Variants in GALNTL6 observed in about 807,000 individuals in gnomAD.
GALNTL6 encodes polypeptide N-acetylgalactosaminyltransferase like 6.
GALNTL6 carries 46 observed loss-of-function variants against 73.7 expected under a neutral mutation model. The ratio of observed to expected loss-of-function variants is 0.62; its 90% CI spans 0.49 to 0.80. GALNTL6 has a LOEUF of 0.80. GALNTL6 is among the 30% of genes least tolerant of loss of function. GALNTL6 has a pLI of 0.00. For synonymous variants in GALNTL6, 259 were observed against 263.7 expected, an observed-to-expected ratio of 0.98 and a Z score of 0.17; for missense variants, 604 against 755.0, an observed-to-expected ratio of 0.80 and a Z score of 2.34.
intron 2 of GALNTL6, among the ~76,000 whole-genome samples, chr4:171,831,521 C>G: frequency 6.6e-6 from 1 of 151,930 alleles, no homozygotes; most frequent in East Asian, 1.9e-4. Context: ...ACTTTTCATT[C>G]TGACATTTCT....
At chr4:172,132,367 T>C (rs1035212437) in intron 2 of GALNTL6, among the ~76,000 whole-genome samples, 1 of 152,164 alleles carries the variant, frequency 6.6e-6, no homozygotes, top group African/African-American at 2.4e-5. Context: ...TCCAATGTGA[T>C]TTAGATGACA....
intron 2 of GALNTL6, among the ~76,000 whole-genome samples, chr4:171,953,285 G>A (rs1738946096): frequency 6.6e-6 from 1 of 151,324 alleles, no homozygotes; most frequent in African/African-American, 2.4e-5. Context: ...GAGTCAGGAA[G>A]AGCCAAGATA....
At chr4:171,999,373 G>C (rs1473495242) in intron 2 of GALNTL6, among the ~76,000 whole-genome samples, 1 of 152,114 alleles carries the variant, frequency 6.6e-6, no homozygotes, top group African/African-American at 2.4e-5. Context: ...AATGGCAAAT[G>C]GTTTTCTGTA....
intron 3 of GALNTL6, among the ~76,000 whole-genome samples, chr4:172,264,060 G>T (rs1738349314): frequency 1.3e-5 from 2 of 151,508 alleles, no homozygotes; most frequent in African/African-American, 2.4e-5. Flanking sequence ...TGGCAGCTGG[G>T]GGGGTGTGGA....
At chr4:172,659,117 A>G (rs1175190686) in intron 5 of GALNTL6, among the ~76,000 whole-genome samples, 1 of 152,366 alleles carries the variant, frequency 6.6e-6, no homozygotes, top group East Asian at 1.9e-4. Flanking sequence ...TGTTTAATTT[A>G]TAAATGAATG....
chr4:171,822,714 C>G (rs1193218459), intron 2 of GALNTL6, among the ~76,000 whole-genome samples: 1 of 152,172 alleles, frequency 6.6e-6, no homozygotes, highest in East Asian at 1.9e-4. Context: ...GTGCACCATA[C>G]TGGGATAGAC....
In GALNTL6 at chr4:172,861,112, CATA is replaced by C. The variant is rs373316081; in HGVS notation, c.924-21675_924-21673del. 2.8e-3 allele frequency among the ~76,000 whole-genome samples: 431 copies of C among 152,268 alleles called. 2 individuals carry two copies. Among genetic ancestry groups the C allele is most frequent in the Middle Eastern group, 0.01 (3 of 294 alleles). On this transcript the variant is annotated intron_variant, in intron 7 of 12. Transcript: ENST00000506823. ...TTGTAAAAATGAAGACTATGTTCTT[CATA>C]ATGATTGATAGGACATACAAACTAA... is the stretch of plus-strand genomic sequence containing the variant.
chr4:172,161,857 A>C (rs1337950839), intron 2 of GALNTL6, among the ~76,000 whole-genome samples: 1 of 152,046 alleles, frequency 6.6e-6, no homozygotes, highest in Non-Finnish European at 1.5e-5. Context: ...AAGTCAGTAA[A>C]GATTGAGGCA....
chr4:172,123,921 A>G (rs1408833697), intron 2 of GALNTL6, among the ~76,000 whole-genome samples: 2 of 152,196 alleles, frequency 1.3e-5, no homozygotes, highest in South Asian at 2.1e-4. Flanking sequence ...TAGAGTTCTA[A>G]GAATTTTTTA....
chr4:172,435,319 G>C (rs1257449749), intron 5 of GALNTL6, among the ~76,000 whole-genome samples: 1 of 152,058 alleles, frequency 6.6e-6, no homozygotes, highest in Non-Finnish European at 1.5e-5. Flanking sequence ...AACTAAGAAA[G>C]AAAACAAGGA....
At chr4:171,817,778 C>T (rs909252533) in intron 2 of GALNTL6, among the ~76,000 whole-genome samples, 3 of 151,138 alleles carry the variant, frequency 2.0e-5, no homozygotes, top group Non-Finnish European at 4.4e-5. Context: ...CAAAGAGGAT[C>T]GATATAACAG....
At chr4:172,293,631 T>C (rs895300516) in intron 3 of GALNTL6, among the ~76,000 whole-genome samples, 10 of 152,064 alleles carry the variant, frequency 6.6e-5, no homozygotes, top group Admixed American at 6.6e-4. Flanking sequence ...GCTGGTCATA[T>C]TGCCTATGTG....
chr4:172,637,900 A>G (rs1005375193), intron 5 of GALNTL6, among the ~76,000 whole-genome samples: 2 of 152,076 alleles, frequency 1.3e-5, no homozygotes, highest in Non-Finnish European at 2.9e-5. Context: ...GACCCTACGC[A>G]TACTTGATTT....
At chr4:172,832,742 C>T (rs1163880030) in intron 7 of GALNTL6, among the ~76,000 whole-genome samples, 4 of 152,158 alleles carry the variant, frequency 2.6e-5, no homozygotes, top group Non-Finnish European at 5.9e-5. Context: ...CCTGGAACAA[C>T]TGGGCCGCGG....
intron 5 of GALNTL6, among the ~76,000 whole-genome samples, chr4:172,748,751 G>A (rs1247228619): frequency 5.9e-5 from 9 of 152,168 alleles, no homozygotes. Flanking sequence ...AGCTAAAAGA[G>A]AGGATTTTAA....
chr4:172,759,743 A>G (rs1252477884), intron 5 of GALNTL6, among the ~76,000 whole-genome samples: 1 of 150,058 alleles, frequency 6.7e-6, no homozygotes, highest in Non-Finnish European at 1.5e-5. Context: ...TTACACAGAG[A>G]AGGAATAGTT....
At chr4:172,084,445 T>C (rs913195359) in intron 2 of GALNTL6, among the ~76,000 whole-genome samples, 16 of 152,172 alleles carry the variant, frequency 1.1e-4, no homozygotes, top group Non-Finnish European at 1.8e-4. Context: ...CTAAATGTTA[T>C]GCCATAAAAC....
chr4:171,842,078 A>G (rs1735252059), intron 2 of GALNTL6, among the ~76,000 whole-genome samples: 1 of 152,126 alleles, frequency 6.6e-6, no homozygotes, highest in Non-Finnish European at 1.5e-5. Context: ...TGTCTTTGGA[A>G]AGACAAATAA....
chr4:172,072,836 T>C (rs1430224124), intron 2 of GALNTL6, among the ~76,000 whole-genome samples: 1 of 152,208 alleles, frequency 6.6e-6, no homozygotes, highest in African/African-American at 2.4e-5. Flanking sequence ...CTTTGTTCTT[T>C]TTCCTATGCA....
Sources: allele counts gnomAD v4.1 joint callset (sites outside exome capture counted in the v4.1 genomes callset), GRCh38; gene constraint gnomAD v4.1.1; transcripts MANE v1.5; gene names NCBI Gene and HGNC (gene_info 2026-07-23, HGNC 2026-07-21).